Variants in CUL1 observed in about 807,000 individuals in gnomAD.
CUL1 encodes the protein cullin-1.
CUL1 carries 24 observed loss-of-function variants against 118.0 expected under a neutral mutation model. That is an observed-to-expected ratio of 0.20 (90% CI 0.15 to 0.29). The LOEUF (loss-of-function observed/expected upper bound fraction) is 0.29, where lower values mean the gene tolerates loss of function less well. Ranked by LOEUF, CUL1 falls within the 10% of genes least tolerant of loss-of-function variation. The pLI, the probability that CUL1 is intolerant of heterozygous loss-of-function variation, is 1.00. For missense variants in CUL1, 361 were observed against 933.8 expected (o/e 0.39, Z 7.99); for synonymous variants, 332 against 340.4 (o/e 0.98, Z 0.27).
intron 1 of CUL1, among the ~76,000 whole-genome samples, chr7:148,699,714 G>A (rs1201431690): frequency 6.6e-6 from 1 of 152,100 alleles, no homozygotes; most frequent in Non-Finnish European, 1.5e-5. Context: ...CGGGGCATGC[G>A]CGCAGGGATG....
chr7:148,699,393 T>C (rs1265118946), intron 1 of CUL1, among the ~76,000 whole-genome samples: 1 of 151,754 alleles, frequency 6.6e-6, no homozygotes, highest in Non-Finnish European at 1.5e-5. Context: ...TCTCGGAGGG[T>C]GGGCCGACGT....
At chr7:148,759,713 A>G in intron 6 of CUL1, 75 bp downstream of exon 6, 1 of 676,244 alleles carries the variant, frequency 1.5e-6, no homozygotes, top group South Asian at 2.6e-5. Context: ...AACAGATGTC[A>G]TTTTTAAAAT....
intron 1 of CUL1, among the ~76,000 whole-genome samples, chr7:148,706,793 A>G (rs2129458917): frequency 6.6e-6 from 1 of 152,188 alleles, no homozygotes; most frequent in East Asian, 1.9e-4. Flanking sequence ...TGTTTTGGTC[A>G]CTGGTATTTT....
In CUL1 at chr7:148,771,959, C is replaced by G. The variant is rs578155067; in HGVS notation, c.1083+4210C>G. On this transcript the variant is annotated intron_variant, in intron 9 of 21. Transcript: ENST00000325222. ...TTGAATGCCCACTGTGTGTGCCTGG[C>G]CCTGTGCTAGGCTCTTAATTTTTCT... Among the ~76,000 whole-genome samples, 6 of 152,266 alleles carry G rather than the reference C, an allele frequency of 3.9e-5. No homozygotes were observed. In the East Asian group the frequency reaches 1.2e-3, roughly 29 times the overall value.
intron 9 of CUL1, among the ~76,000 whole-genome samples, chr7:148,781,117 C>T (rs564861144): frequency 2.2e-3 from 260 of 118,308 alleles, no homozygotes; most frequent in African/African-American, 8.7e-3. Flanking sequence ...AGTCTCGCAC[C>T]GTCACCTGGG....
chr7:148,699,811 G>A (rs1247748490), intron 1 of CUL1, among the ~76,000 whole-genome samples: 1 of 151,928 alleles, frequency 6.6e-6, no homozygotes, highest in East Asian at 1.9e-4. Flanking sequence ...CGGCCTCGGC[G>A]CGCCCCCGGT....
intron 1 of CUL1, among the ~76,000 whole-genome samples, chr7:148,729,146 A>T (rs1798676185): frequency 6.6e-6 from 1 of 152,236 alleles, no homozygotes; most frequent in African/African-American, 2.4e-5. Context: ...TGTGTCCAAG[A>T]TGCTGAAGCA....
Position 148,760,539 on chromosome 7 carries a change from C to T in CUL1, c.789+43C>T, listed in dbSNP as rs1220984881. On this transcript the variant is annotated intron_variant, in intron 7 of 21. Coordinates refer to ENST00000325222, the MANE Select transcript of CUL1 (RefSeq NM_003592.3). Reference sequence around the variant, plus strand: ...ACTTTAAGTAGACTTAAGTTAAAGTCATTGCTACTCAAGTGAGTTCTTTTT... The same window carrying T: ...ACTTTAAGTAGACTTAAGTTAAAGTTATTGCTACTCAAGTGAGTTCTTTTT... The T allele has an allele frequency of 1.5e-6, 2 of 1,372,054 alleles. 1 individual carries two copies. 85.0% of individuals were successfully genotyped at this position (1,372,054 alleles called of 1,614,324 possible).
chr7:148,721,001 A>G (rs1367631663), intron 1 of CUL1, among the ~76,000 whole-genome samples: 2 of 152,226 alleles, frequency 1.3e-5, no homozygotes, highest in Admixed American at 6.5e-5. Context: ...GGTTGGCTGT[A>G]TTAGCCTCTT....
intron 2 of CUL1, among the ~76,000 whole-genome samples, chr7:148,748,211 A>G (rs1411688274): frequency 2.6e-5 from 4 of 152,252 alleles, no homozygotes; most frequent in African/African-American, 7.2e-5. Flanking sequence ...AAATAACAGT[A>G]TGAAACAGTT....
intron 2 of CUL1, among the ~76,000 whole-genome samples, chr7:148,753,346 C>T (rs1799553402): frequency 6.6e-6 from 1 of 152,174 alleles, no homozygotes; most frequent in Admixed American, 6.5e-5. Flanking sequence ...CTGCCTGGCC[C>T]CATCTTCTCA....
At chr7:148,710,088 A>C (rs1563146277) in intron 1 of CUL1, among the ~76,000 whole-genome samples, 2 of 152,182 alleles carry the variant, frequency 1.3e-5, no homozygotes, top group East Asian at 3.9e-4. Flanking sequence ...CCCTGTGTCA[A>C]AAATAAATAA....
At chr7:148,713,688 A>G (rs540603336) in intron 1 of CUL1, among the ~76,000 whole-genome samples, 1 of 152,308 alleles carries the variant, frequency 6.6e-6, no homozygotes, top group Non-Finnish European at 1.5e-5. Context: ...GTGTATTTGA[A>G]GGAATGAATT....
chr7:148,794,227 T>G (rs1801109720), intron 17 of CUL1, among the ~76,000 whole-genome samples: 1 of 152,144 alleles, frequency 6.6e-6, no homozygotes, highest in African/African-American at 2.4e-5. Flanking sequence ...ACACACATTT[T>G]TAATTTTGAT....
chr7:148,799,112 A>G (rs1801305405), intron 20 of CUL1, among the ~76,000 whole-genome samples, 163 bp from the exon 21 acceptor site: 1 of 152,124 alleles, frequency 6.6e-6, no homozygotes, highest in African/African-American at 2.4e-5. Flanking sequence ...GGCAGGTAGA[A>G]TTGGTTCCCT....
In CUL1 at chr7:148,754,161, TTATA is replaced by T. The variant is rs1799583171; in HGVS notation, c.315+18_315+21del. The T allele has an allele frequency of 6.6e-7, 1 of 1,523,458 alleles. No individual in the cohort carries two copies. Among genetic ancestry groups the T allele is most frequent in the African/African-American group, 1.4e-5 (1 of 72,218 alleles). 94.4% of individuals were successfully genotyped at this position (1,523,458 alleles called of 1,614,324 possible). On this transcript the variant is annotated intron_variant, in intron 3 of 21. Coordinates refer to ENST00000325222, the MANE Select transcript of CUL1 (RefSeq NM_003592.3). ...ACAAATCTTCTTAAGGTAAGATGTT[TTATA>T]TATATACTGAGTATTCATAACAGGA...
At chr7:148,741,577 C>A (rs142868439) in intron 2 of CUL1, among the ~76,000 whole-genome samples, 1 of 151,166 alleles carries the variant, frequency 6.6e-6, no homozygotes, top group African/African-American at 2.4e-5. Flanking sequence ...TAGCTGGAAC[C>A]GCAGGTGTGC....
rs200692499 is a variant in CUL1, at chr7:148,757,140, A to C, written c.473A>C (p.Glu158Ala). 1 of 1,538,780 alleles carries C rather than the reference A, an allele frequency of 6.5e-7. No individual in the cohort carries two copies. Among genetic ancestry groups the C allele is most frequent in the Non-Finnish European group, 8.8e-7 (1 of 1,142,836 alleles). The change falls in exon 4 of 22, where the codon GAA (glutamate) becomes GCA (alanine). Residue 158 changes from glutamate to alanine, a missense_variant. Physicochemically the swap from Glu to Ala is moderately radical, Grantham distance 107 (BLOSUM62 -1). Transcript: ENST00000325222. ...GACGAAGGACGAAAAGGAATATATG[A>C]AATCTATTCGGTAAGAGTTTTGTTT... is the stretch of plus-strand genomic sequence containing the variant. ...ECDEGRKGIY[E>A]IYSLALVTWR...
intron 1 of CUL1, among the ~76,000 whole-genome samples, chr7:148,715,232 T>C (rs1295332079): frequency 6.6e-6 from 1 of 152,188 alleles, no homozygotes; most frequent in Non-Finnish European, 1.5e-5. Context: ...GTGACAGCAA[T>C]GTTGGGAGAG....
Sources: gnomAD v4.1 joint callset for allele counts (sites outside exome capture counted in the v4.1 genomes callset) on GRCh38, gnomAD v4.1.1 for gene constraint, MANE v1.5 for transcripts, NCBI Gene and HGNC (gene_info 2026-07-23, HGNC 2026-07-21) for gene names.